TMC4: variants seen among roughly 807,000 people sequenced by gnomAD.
TMC4 encodes the protein voltage-gated chloride channel TMC4.
Under a neutral mutation model 82.0 loss-of-function variants are expected in TMC4, and 70 were observed. The observed-to-expected ratio is 0.85, with a 90% confidence interval of 0.70 to 1.04. The LOEUF is 1.04. TMC4 is among the 50% of genes least tolerant of loss of function. TMC4 has a pLI of 0.00. For missense variants in TMC4, 879 were observed against 899.0 expected (o/e 0.98, Z 0.28); for synonymous variants, 446 against 406.0 (o/e 1.10, Z -1.18).
At chr19:54,171,802 C>G in intron 2 of TMC4, 68 bp downstream of exon 2, 2 of 1,417,070 alleles carry the variant, frequency 1.4e-6, no homozygotes, top group South Asian at 2.8e-5. Context: ...GGGAGGAGAC[C>G]GAGTCCAGGG....
At position 54,162,389 on chromosome 19, in the gene TMC4, T is replaced by TGGGG. The variant is rs779701144; in HGVS notation, c.1503-108_1503-105dup. The TGGGG allele has an allele frequency of 2.4e-4, 62 of 255,496 alleles. 1 individual carries two copies. The highest frequency in any genetic ancestry group is 1.2e-3 in the East Asian group (20 of 17,320). The allele number at this position is 255,496 out of a possible 1,614,324, so 15.8% of individuals were successfully genotyped here. On this transcript the variant is annotated intron_variant, in intron 10 of 14. Transcript: ENST00000619895. ...CAATAGGAAGCATGCGTATTGGTGG[T>TGGGG]GGGGGGGGGGGGGGCGGGACTTTCA...
rs1568730602 is a variant in TMC4, at chr19:54,164,437, C to CCGT, written c.1109_1110insACG (p.Leu370_Gln371insArg). ...CCTCTTCCAAGACCGTCCGCACCTGCAGCTCCACGGTGCACCCCGTAGCCC... is the reference window on the plus strand; with the variant it reads ...CCTCTTCCAAGACCGTCCGCACCTGCCGTAGCTCCACGGTGCACCCCGTAGCCC... On this transcript the variant is annotated inframe_insertion, in exon 7 of 15. Transcript: ENST00000619895. The CCGT allele has an allele frequency of 6.2e-7, 1 of 1,609,828 alleles. No homozygotes were observed. The highest frequency in any genetic ancestry group is 2.2e-5 in the East Asian group (1 of 44,772).
At chr19:54,164,742 C>T (rs2075658271) in intron 6 of TMC4, 141 bp from the exon 7 acceptor site, 1 of 1,109,794 alleles carries the variant, frequency 9.0e-7, no homozygotes, top group Non-Finnish European at 1.3e-6. Context: ...CTCTGCAGTC[C>T]TGGTTCCACC....
intron 2 of TMC4, among the ~76,000 whole-genome samples, chr19:54,171,416 AT>A (rs1471862933): frequency 2.0e-5 from 3 of 152,174 alleles, no homozygotes; most frequent in Non-Finnish European, 2.9e-5. Context: ...GCCCATAATC[AT>A]TTTTGAAGGA....
chr19:54,161,527 G>A (rs1240935536), intron 11 of TMC4, among the ~76,000 whole-genome samples: 2 of 149,898 alleles, frequency 1.3e-5, no homozygotes, highest in African/African-American at 4.9e-5. Context: ...TTGTTTTGCT[G>A]TTGTTGTTGT....
chr19:54,160,729 G>T, intron 13 of TMC4, 149 bp downstream of exon 13: 1 of 1,401,754 alleles, frequency 7.1e-7, no homozygotes, highest in Non-Finnish European at 9.6e-7. Flanking sequence ...CTCCTCCTTC[G>T]GACCCAGCAG....
rs1386014635 is a variant in TMC4 at position 54,171,912 on chromosome 19, G to C, written c.251C>G (p.Ser84Cys). ...TQTELQDPHP[S>C]RELPWPMQAR... ...CTGCATGGGCCAGGGCAGTTCCCGG[G>C]AAGGGTGAGGGTCCTGCAGCTCTGT... The change falls in exon 2 of 15, where the codon TCC (serine) becomes TGC (cysteine). Residue 84 changes from serine to cysteine, a missense_variant. Coordinates refer to ENST00000619895, the MANE Select transcript of TMC4 (RefSeq NM_144686.4). 6.2e-7 allele frequency: 1 copy of C among 1,612,928 alleles called. No individual in the cohort carries two copies. Among genetic ancestry groups the C allele is most frequent in the Non-Finnish European group, 8.5e-7 (1 of 1,179,396 alleles).
chr19:54,164,696 T>C, intron 6 of TMC4, 95 bp from the exon 7 acceptor site: 1 of 1,499,466 alleles, frequency 6.7e-7, no homozygotes, highest in Non-Finnish European at 9.1e-7. Context: ...CTCCTTAACG[T>C]GAACTGATGC....
At chr19:54,171,611 G>C (rs1347337837) in intron 2 of TMC4, among the ~76,000 whole-genome samples, 1 of 152,216 alleles carries the variant, frequency 6.6e-6, no homozygotes, top group Admixed American at 6.5e-5. Flanking sequence ...GGCAGAGACA[G>C]GATTGGTGGA....
intron 9 of TMC4, 112 bp from the exon 10 acceptor site, chr19:54,162,882 G>A: frequency 6.6e-7 from 1 of 1,512,408 alleles, no homozygotes; most frequent in African/African-American, 1.4e-5. Context: ...ACTTTCTCTG[G>A]GGGTCCTCGT....
intron 5 of TMC4, among the ~76,000 whole-genome samples, 173 bp from the exon 6 acceptor site, chr19:54,165,739 T>C (rs2075687974): frequency 6.6e-6 from 1 of 151,862 alleles, no homozygotes; most frequent in African/African-American, 2.4e-5. Flanking sequence ...GACACAGTCA[T>C]TGAAGGCAAA....
At position 54,162,299 on chromosome 19, in the gene TMC4, C is replaced by A; in HGVS notation, c.1503-14G>T. The A allele has an allele frequency of 7.7e-7, 1 of 1,301,594 alleles. No individual in the cohort carries two copies. Among genetic ancestry groups the A allele is most frequent in the Non-Finnish European group, 9.9e-7 (1 of 1,010,656 alleles). 80.6% of individuals were successfully genotyped at this position (1,301,594 alleles called of 1,614,324 possible). On this transcript the variant is annotated splice_polypyrimidine_tract_variant and intron_variant, in intron 10 of 14. Coordinates refer to ENST00000619895, the MANE Select transcript of TMC4 (RefSeq NM_144686.4). ...CCACAGAGGAGCCTGAAGGACGGGG[C>A]GGGGCCGGGCCGGAGTCAGGGGAGT...
rs781819159 is a variant in TMC4 at position 54,160,298 on chromosome 19, T to C, written c.*8A>G. The C allele has an allele frequency of 3.3e-6, 5 of 1,516,024 alleles. No homozygotes were observed. The African/African-American group carries it at 5.6e-5, about 17-fold the overall frequency. The allele number at this position is 1,516,024 out of a possible 1,614,324, so 93.9% of individuals were successfully genotyped here. On this transcript the variant is annotated 3_prime_UTR_variant, in exon 15 of 15. Coordinates refer to ENST00000619895, the MANE Select transcript of TMC4 (RefSeq NM_144686.4). ...TGGGGTCTGAAAGCGGGACGTGGGC[T>C]GCGGGGGTCAAAGAGCCGGTTTGGT...
At chr19:54,168,906 T>TTC (rs2075798866) in intron 3 of TMC4, among the ~76,000 whole-genome samples, 2 of 20,794 alleles carry the variant, frequency 9.6e-5, no homozygotes, top group East Asian at 2.7e-3. Context: ...CTTTCTTTCT[T>TTC]CTTTCTTTCC....
Position 54,160,530 on chromosome 19 carries a change from G to T in TMC4, c.1989C>A (p.Tyr663Ter). The T allele has an allele frequency of 6.2e-7, 1 of 1,614,098 alleles. No homozygotes were observed. Among genetic ancestry groups the T allele is most frequent in the Non-Finnish European group, 8.5e-7 (1 of 1,179,996 alleles). Residue 663 changes from tyrosine to a stop codon, truncating the protein, a stop_gained, in exon 14 of 15, where the codon TAC becomes TAA. Coordinates refer to ENST00000619895, the MANE Select transcript of TMC4 (RefSeq NM_144686.4). LOFTEE classifies it high-confidence loss of function. Reference sequence around the variant, plus strand: ...CGTAGGAGTTAGCCAGAGCCACAGTGTACGCCATCAGGATGCTGAAGGAGA... The same window carrying T: ...CGTAGGAGTTAGCCAGAGCCACAGTTTACGCCATCAGGATGCTGAAGGAGA... ...LLLISSILMA[Y>*]TVALANSYGR...
In TMC4 at chr19:54,169,315, G is replaced by A. The variant is rs912090386; in HGVS notation, c.442+197C>T. Among the ~76,000 whole-genome samples the A allele has an allele frequency of 3.3e-5, 5 of 151,898 alleles. No homozygotes were observed. The East Asian group carries it at 9.8e-4, about 30-fold the overall frequency. ...CTCCCAAACTGTTGGGATTACAGGCGTGAGCCACCGCGCCAGGCCCAGCCG... is the reference window on the plus strand; with the variant it reads ...CTCCCAAACTGTTGGGATTACAGGCATGAGCCACCGCGCCAGGCCCAGCCG... On this transcript the variant is annotated intron_variant, in intron 3 of 14. Transcript: ENST00000619895.
At chr19:54,172,110 AC>A in intron 1 of TMC4, 27 bp from the exon 2 acceptor site, 1 of 1,501,550 alleles carries the variant, frequency 6.7e-7, no homozygotes, top group Admixed American at 2.2e-5. Context: ...GGCTGGGAAG[AC>A]CCGGGAGTCT....
Position 54,167,157 on chromosome 19 carries a change from C to A in TMC4, c.797+1014G>T, listed in dbSNP as rs143356572. Among the ~76,000 whole-genome samples, 1,237 of 152,016 alleles carry A rather than the reference C, an allele frequency of 8.1e-3. 7 individuals carry two copies. Among genetic ancestry groups the A allele is most frequent in the Non-Finnish European group, 0.013 (878 of 67,984 alleles). The stretch of plus-strand genomic sequence containing the variant: ...GCACCCCTGTGGTCCCAGCTGCTCC[C>A]GAGGCTGAGGTAGGCGGATCAGTTG... On this transcript the variant is annotated intron_variant, in intron 5 of 14. Transcript: ENST00000619895.
At chr19:54,166,518 C>T (rs2075709450) in intron 5 of TMC4, among the ~76,000 whole-genome samples, 1 of 152,140 alleles carries the variant, frequency 6.6e-6, no homozygotes, top group South Asian at 2.1e-4. Flanking sequence ...CCACAGAGGG[C>T]CCTCACATGG....
Sources: gnomAD v4.1 joint callset for allele counts (sites outside exome capture counted in the v4.1 genomes callset) on GRCh38, gnomAD v4.1.1 for gene constraint, MANE v1.5 for transcripts, NCBI Gene and HGNC (gene_info 2026-07-23, HGNC 2026-07-21) for gene names.